Variants in MTCL3 observed in about 807,000 individuals in gnomAD.
The protein encoded by MTCL3 is microtubule cross-linking factor 3.
the MTCL3 span, among the ~76,000 whole-genome samples, chr6:127,473,770 G>A: frequency 6.6e-6 from 1 of 152,162 alleles, no homozygotes; most frequent in Non-Finnish European, 1.5e-5. Flanking sequence ...AATGTCTTCC[G>A]TGTCTTAAAA....
the MTCL3 span, among the ~76,000 whole-genome samples, chr6:127,478,136 T>A: frequency 2.0e-5 from 3 of 152,136 alleles, no homozygotes; most frequent in Non-Finnish European, 4.4e-5. Context: ...ATGGAAGATT[T>A]TTTGAGGATG....
chr6:127,514,765 G>A, the MTCL3 span: 6 of 1,444,290 alleles, frequency 4.2e-6, no homozygotes, highest in Non-Finnish European at 5.7e-6. Flanking sequence ...AAGAGCCCTT[G>A]GCCAAAGTCC....
the MTCL3 span, among the ~76,000 whole-genome samples, chr6:127,503,998 C>T: frequency 1.3e-5 from 2 of 152,124 alleles, no homozygotes; most frequent in South Asian, 2.1e-4. Flanking sequence ...CAGTTAATAA[C>T]ATGGACTTGG....
the MTCL3 span, among the ~76,000 whole-genome samples, chr6:127,490,707 C>T: frequency 6.6e-6 from 1 of 152,060 alleles, no homozygotes; most frequent in Admixed American, 6.6e-5. Flanking sequence ...GTCCCAGCTA[C>T]TCGGGAGGCT....
chr6:127,514,922 C>A, the MTCL3 span: 1 of 1,614,184 alleles, frequency 6.2e-7, no homozygotes, highest in Non-Finnish European at 8.5e-7. Context: ...GGCGGTACTG[C>A]AGGATCCGGC....
the MTCL3 span, among the ~76,000 whole-genome samples, chr6:127,505,634 T>C: frequency 0.014 from 2,177 of 152,260 alleles, 29 homozygotes; most frequent in Non-Finnish European, 0.022. Flanking sequence ...AGTTTACCTA[T>C]GTAACAAACT....
the MTCL3 span, among the ~76,000 whole-genome samples, chr6:127,507,108 A>G: frequency 1.3e-5 from 2 of 152,226 alleles, no homozygotes; most frequent in Non-Finnish European, 2.9e-5. Context: ...CATCAGCAAA[A>G]GCAACAAAAA....
the MTCL3 span, among the ~76,000 whole-genome samples, chr6:127,503,414 C>T: frequency 2.0e-5 from 3 of 152,206 alleles, no homozygotes; most frequent in African/African-American, 7.2e-5. Context: ...TTTTCCATAT[C>T]TCTCCAGCCA....
the MTCL3 span, chr6:127,514,940 G>T: frequency 3.7e-6 from 6 of 1,614,056 alleles, no homozygotes; most frequent in African/African-American, 5.3e-5. Context: ...GGCAGTTTTT[G>T]TTGGCTCTCT....
At chr6:127,480,297 T>A in the MTCL3 span, among the ~76,000 whole-genome samples, 1 of 152,168 alleles carries the variant, frequency 6.6e-6, no homozygotes, top group Admixed American at 6.5e-5. Context: ...AAAGAATAAG[T>A]AATGGGCCCA....
chr6:127,485,367 G>A, the MTCL3 span, among the ~76,000 whole-genome samples: 1 of 151,964 alleles, frequency 6.6e-6, no homozygotes, highest in East Asian at 1.9e-4. Flanking sequence ...TGAGAGGAGA[G>A]GAGTGACATG....
the MTCL3 span, among the ~76,000 whole-genome samples, chr6:127,490,335 T>C: frequency 6.6e-6 from 1 of 152,194 alleles, no homozygotes; most frequent in Non-Finnish European, 1.5e-5. Flanking sequence ...AATGTTCTTT[T>C]CATGCCTGCT....
the MTCL3 span, among the ~76,000 whole-genome samples, chr6:127,473,664 C>G: frequency 6.6e-6 from 1 of 152,156 alleles, no homozygotes; most frequent in African/African-American, 2.4e-5. Flanking sequence ...AGCAGAGCAA[C>G]ATGCAAGATA....
At chr6:127,487,602 G>A in the MTCL3 span, among the ~76,000 whole-genome samples, 3 of 152,114 alleles carry the variant, frequency 2.0e-5, no homozygotes, top group African/African-American at 7.2e-5. Flanking sequence ...CAGACAGACT[G>A]GCAGAGGCAG....
the MTCL3 span, among the ~76,000 whole-genome samples, chr6:127,474,694 T>A: frequency 6.6e-6 from 1 of 152,124 alleles, no homozygotes; most frequent in Non-Finnish European, 1.5e-5. Context: ...TCCTCCCACA[T>A]CAGCCTCCGG....
the MTCL3 span, chr6:127,516,397 T>C: frequency 6.2e-7 from 1 of 1,600,654 alleles, no homozygotes; most frequent in Non-Finnish European, 8.5e-7. Flanking sequence ...CTGCAGCTGC[T>C]GCTGCCGAAC....
chr6:127,486,016 A>T, the MTCL3 span, among the ~76,000 whole-genome samples: 1 of 152,196 alleles, frequency 6.6e-6, no homozygotes, highest in Non-Finnish European at 1.5e-5. Context: ...GAAGTGATGG[A>T]GGTAGGGCCA....
the MTCL3 span, among the ~76,000 whole-genome samples, chr6:127,483,619 G>T: frequency 6.6e-6 from 1 of 152,162 alleles, no homozygotes; most frequent in Non-Finnish European, 1.5e-5. Flanking sequence ...TGGGAATCTG[G>T]ATTCTTATGT....
the MTCL3 span, among the ~76,000 whole-genome samples, chr6:127,508,090 G>C: frequency 4.6e-5 from 7 of 151,966 alleles, no homozygotes; most frequent in African/African-American, 9.7e-5. Context: ...AATGACTACT[G>C]TTTTATTTTA....
Sources: gnomAD v4.1 joint callset for allele counts (sites outside exome capture counted in the v4.1 genomes callset) on GRCh38, gnomAD v4.1.1 for gene constraint, MANE v1.5 for transcripts, NCBI Gene and HGNC (gene_info 2026-07-23, HGNC 2026-07-21) for gene names.